Variants in HPSE2 observed in about 807,000 individuals in gnomAD.
HPSE2 encodes the protein inactive heparanase-2.
HPSE2 carries 38 observed loss-of-function variants against 60.5 expected under a neutral mutation model. That is an observed-to-expected ratio of 0.63 (90% confidence interval 0.48 to 0.82). The LOEUF (loss-of-function observed/expected upper bound fraction) is 0.82, where lower values mean the gene tolerates loss of function less well. Ranked by LOEUF, HPSE2 falls within the 40% of genes least tolerant of loss-of-function variation. HPSE2 has a pLI of 0.00. For synonymous variants in HPSE2, 295 were observed against 293.2 expected (o/e 1.01, Z -0.06); for missense variants, 713 against 740.4 (o/e 0.96, Z 0.43).
the HPSE2 span, among the ~76,000 whole-genome samples, chr10:99,267,004 C>A: frequency 4.6e-5 from 7 of 152,088 alleles, no homozygotes; most frequent in African/African-American, 1.7e-4. Flanking sequence ...GAACAGCGGC[C>A]CTTGAGCCCC....
At chr10:99,254,401 G>T in the HPSE2 span, among the ~76,000 whole-genome samples, 1 of 152,166 alleles carries the variant, frequency 6.6e-6, no homozygotes, top group Non-Finnish European at 1.5e-5. Flanking sequence ...CTAGAGGAGT[G>T]AGGGAGAGAA....
rs528775345 is a variant in HPSE2, at chr10:98,946,759, C to T, written c.610+197479G>A. 2.6e-5 allele frequency among the ~76,000 whole-genome samples: 4 copies of T among 152,092 alleles called. No individual in the cohort carries two copies. In the East Asian group the frequency reaches 7.7e-4, roughly 29 times the overall value. On this transcript the variant is annotated intron_variant, in intron 3 of 11. Coordinates refer to ENST00000370552, the MANE Select transcript of HPSE2 (RefSeq NM_021828.5). ...CAAATGTAAAGAGGCAGTATTAAGCCATAACTACATAAAATTAACTAGTAT... is the reference window on the plus strand; with the variant it reads ...CAAATGTAAAGAGGCAGTATTAAGCTATAACTACATAAAATTAACTAGTAT...
chr10:98,467,470 T>G (rs1295898329), intron 11 of HPSE2, among the ~76,000 whole-genome samples: 1 of 151,954 alleles, frequency 6.6e-6, no homozygotes, highest in Non-Finnish European at 1.5e-5. Flanking sequence ...GTTTCTGGAT[T>G]GTTAAATGAT....
intron 8 of HPSE2, among the ~76,000 whole-genome samples, chr10:98,617,120 A>T (rs534778953): frequency 2.6e-5 from 4 of 152,326 alleles, no homozygotes; most frequent in African/African-American, 9.6e-5. Context: ...CAATGAAGAA[A>T]CACATAATCA....
chr10:99,044,918 G>A (rs893918350), intron 3 of HPSE2, among the ~76,000 whole-genome samples: 3 of 152,066 alleles, frequency 2.0e-5, no homozygotes, highest in African/African-American at 7.2e-5. Flanking sequence ...CAACAATAGT[G>A]GGAGACTTCA....
intron 6 of HPSE2, among the ~76,000 whole-genome samples, chr10:98,661,721 A>G (rs543045135): frequency 6.6e-6 from 1 of 152,308 alleles, no homozygotes; most frequent in African/African-American, 2.4e-5. Context: ...ATTCCCTATT[A>G]CTAAACATTA....
intron 6 of HPSE2, among the ~76,000 whole-genome samples, chr10:98,688,378 A>G (rs987466429): frequency 4.0e-5 from 6 of 149,270 alleles, no homozygotes; most frequent in African/African-American, 1.2e-4. Context: ...CAAATGTACC[A>G]TTTCCAATGC....
intron 3 of HPSE2, among the ~76,000 whole-genome samples, chr10:98,813,972 CTT>C (rs1951226701): frequency 6.6e-6 from 1 of 152,060 alleles, no homozygotes; most frequent in Admixed American, 6.6e-5. Flanking sequence ...ATTTCAACCC[CTT>C]GAGGTAATTT....
chr10:99,247,963 C>G, the HPSE2 span, among the ~76,000 whole-genome samples: 2 of 152,204 alleles, frequency 1.3e-5, no homozygotes, highest in Non-Finnish European at 2.9e-5. Context: ...GGTTTCTCAG[C>G]CATACTTACT....
chr10:98,543,105 G>C (rs1286285679), intron 9 of HPSE2, among the ~76,000 whole-genome samples: 1 of 152,158 alleles, frequency 6.6e-6, no homozygotes, highest in Non-Finnish European at 1.5e-5. Flanking sequence ...TCAAAGGGAA[G>C]CCCATCAGAC....
chr10:99,265,387 A>G, the HPSE2 span, among the ~76,000 whole-genome samples: 1 of 152,178 alleles, frequency 6.6e-6, no homozygotes, highest in Non-Finnish European at 1.5e-5. Flanking sequence ...CATGACAATG[A>G]GAATGCACGT....
intron 7 of HPSE2, among the ~76,000 whole-genome samples, chr10:98,624,723 T>G (rs1946162018): frequency 6.6e-6 from 1 of 152,226 alleles, no homozygotes; most frequent in Admixed American, 6.6e-5. Flanking sequence ...GAGCTTCAAT[T>G]TCCTCACATG....
intron 3 of HPSE2, among the ~76,000 whole-genome samples, chr10:98,841,106 A>C (rs1951901669): frequency 6.6e-6 from 1 of 152,130 alleles, no homozygotes; most frequent in African/African-American, 2.4e-5. Flanking sequence ...AAAAATACAA[A>C]TATTAGCTAA....
intron 3 of HPSE2, among the ~76,000 whole-genome samples, chr10:99,104,104 CA>C (rs1460859512): frequency 2.0e-5 from 3 of 152,180 alleles, no homozygotes; most frequent in Non-Finnish European, 4.4e-5. Flanking sequence ...ACACCAAAAG[CA>C]ATGGTAACAA....
chr10:99,171,836 C>T lies in HPSE2; in HGVS notation c.449-27437G>A, dbSNP rs138435160. Among the ~76,000 whole-genome samples the T allele has an allele frequency of 2.8e-3, 432 of 152,068 alleles. 1 individual carries two copies. Among genetic ancestry groups the T allele is most frequent in the Non-Finnish European group, 5.3e-3 (360 of 67,974 alleles). On this transcript the variant is annotated intron_variant, in intron 2 of 11. Transcript: ENST00000370552. ...CTGTGACTAAAAAAAAAAACTTAAC[C>T]TCTTTGAGAATTGACTTTCCCCTAG...
At chr10:99,181,408 A>AAAAAAAAG (rs1847771589) in intron 2 of HPSE2, among the ~76,000 whole-genome samples, 1 of 43,822 alleles carries the variant, frequency 2.3e-5, no homozygotes, top group Non-Finnish European at 1.2e-4. Flanking sequence ...AAAAAAAAAA[A>AAAAAAAAG]AAAAAAAAAA....
chr10:98,924,908 A>AC (rs961720634), intron 3 of HPSE2, among the ~76,000 whole-genome samples: 2 of 151,864 alleles, frequency 1.3e-5, no homozygotes, highest in African/African-American at 2.4e-5. Flanking sequence ...GGGATGGGTG[A>AC]CCCCCCTCTG....
At chr10:99,165,529 GTATTTATT>G (rs71009726) in intron 2 of HPSE2, among the ~76,000 whole-genome samples, 17 of 143,986 alleles carry the variant, frequency 1.2e-4, no homozygotes, top group African/African-American at 2.3e-4. Flanking sequence ...ATTTATTTAC[GTATTTATT>G]TATTTATTTA....
intron 3 of HPSE2, among the ~76,000 whole-genome samples, chr10:99,128,638 A>G (rs555778752): frequency 6.6e-6 from 1 of 152,218 alleles, no homozygotes; most frequent in Admixed American, 6.5e-5. Context: ...CAGTGAGAAC[A>G]CCTGGAACAG....
Sources: gnomAD v4.1 joint callset for allele counts (sites outside exome capture counted in the v4.1 genomes callset) on GRCh38, gnomAD v4.1.1 for gene constraint, MANE v1.5 for transcripts, NCBI Gene and HGNC (gene_info 2026-07-23, HGNC 2026-07-21) for gene names.